Variants in LMAN1 observed in about 807,000 individuals in gnomAD.
The protein encoded by LMAN1 is lectin, mannose binding 1, also known as protein ERGIC-53.
In LMAN1, 32 loss-of-function variants were observed where a neutral mutation model predicts 67.8. The ratio of observed to expected loss-of-function variants is 0.47; its 90% CI spans 0.36 to 0.63. The LOEUF (loss-of-function observed/expected upper bound fraction) is 0.63. Among genes scored for constraint, LMAN1 ranks in the 30% least tolerant of loss-of-function variants. The pLI is 0.00. For missense variants in LMAN1, 632 were observed against 628.2 expected (o/e 1.01, Z -0.06); for synonymous variants, 235 against 219.3 (o/e 1.07, Z -0.63).
chr18:59,338,499 C>T lies in LMAN1; in HGVS notation c.1220+58G>A, dbSNP rs1908213410. ...AATACAGTGCTTGCACACCTGAAGT[C>T]ACAAATTTAGGATAAAAAAAATCAC... On this transcript the variant is annotated intron_variant, in intron 10 of 12. Transcript: ENST00000251047. 4 of 1,421,054 alleles carry T rather than the reference C, an allele frequency of 2.8e-6. No homozygotes were observed. In the Admixed American group the frequency reaches 6.9e-5, roughly 25 times the overall value. 88.0% of individuals were successfully genotyped at this position (1,421,054 alleles called of 1,614,324 possible). A position where few individuals can be genotyped will look rare whatever the true frequency, so the allele number is the denominator to read the frequency against.
chr18:59,343,479 G>GACC (rs1908333202), intron 8 of LMAN1, among the ~76,000 whole-genome samples: 1 of 151,880 alleles, frequency 6.6e-6, no homozygotes, highest in African/African-American at 2.4e-5. Flanking sequence ...CAGAACAGAG[G>GACC]ACCAGGAAAT....
At chr18:59,355,960 A>C (rs928391827) in intron 1 of LMAN1, among the ~76,000 whole-genome samples, 5 of 152,174 alleles carry the variant, frequency 3.3e-5, no homozygotes, top group Non-Finnish European at 7.4e-5. Flanking sequence ...AAAACCTTAA[A>C]AATTTGTATT....
rs2070724058 is a variant in LMAN1 at position 59,328,116 on chromosome 18, A to G, written c.*2977T>C. ...CTTTCAATAAGCACATGGACAGGGA[A>G]AGATAATCACACCTTAATATTCACA... On this transcript the variant is annotated 3_prime_UTR_variant, in exon 13 of 13. Coordinates refer to ENST00000251047, the MANE Select transcript of LMAN1 (RefSeq NM_005570.4). 1 of 152,216 alleles carries G rather than the reference A, an allele frequency of 6.6e-6. No individual in the cohort carries two copies. Among genetic ancestry groups the G allele is most frequent in the Admixed American group, 6.5e-5 (1 of 15,282 alleles). 9.4% of individuals were successfully genotyped at this position (152,216 alleles called of 1,614,324 possible). A position where few individuals can be genotyped will look rare whatever the true frequency, so the allele number is the denominator to read the frequency against.
rs1465355165 is a variant in LMAN1 at position 59,359,090 on chromosome 18, A to C, written c.155T>G (p.Phe52Cys). 1 of 1,614,040 alleles carries C rather than the reference A, an allele frequency of 6.2e-7. No homozygotes were observed. The highest frequency in any genetic ancestry group is 1.7e-5 in the Admixed American group (1 of 60,030). The change falls in exon 1 of 13, where the codon TTC becomes TGC. Residue 52 changes from phenylalanine (F) to cysteine (C), a missense_variant. Transcript: ENST00000251047. The stretch of plus-strand genomic sequence containing the variant: ...GCTCTGCACCAGGTGCGGCCCCTTG[A>C]AGCTGTATTTGTACTCGAAACGGCG... ...PHRRFEYKYSFKGPHLVQSDG... is the reference protein window; with the variant it reads ...PHRRFEYKYSCKGPHLVQSDG...
At position 59,327,994 on chromosome 18, in the gene LMAN1, C is replaced by G. The variant is rs1299450811; in HGVS notation, c.*3099G>C. ...AATGTCATAAAAGAAATATATTAAA[C>G]AAGCAACAGACAGATCTAAAAAGTT... On this transcript the variant is annotated 3_prime_UTR_variant, in exon 13 of 13. Transcript: ENST00000251047. 2 of 151,978 alleles carry G rather than the reference C, an allele frequency of 1.3e-5. No individual in the cohort carries two copies. The highest frequency in any genetic ancestry group is 2.9e-5 in the Non-Finnish European group (2 of 68,000). The allele number at this position is 151,978 out of a possible 1,614,324, so 9.4% of individuals were successfully genotyped here. A position where few individuals can be genotyped will look rare whatever the true frequency, so the allele number is the denominator to read the frequency against.
intron 10 of LMAN1, among the ~76,000 whole-genome samples, chr18:59,337,889 G>T (rs1245501415): frequency 6.6e-6 from 1 of 152,150 alleles, no homozygotes; most frequent in Non-Finnish European, 1.5e-5. Flanking sequence ...TTTGTCAAGG[G>T]TTCTATCGGT....
chr18:59,349,053 T>C (rs1234371803), intron 6 of LMAN1, 60 bp downstream of exon 6: 10 of 1,594,006 alleles, frequency 6.3e-6, no homozygotes, highest in African/African-American at 1.3e-5. Flanking sequence ...ATCCCTAATA[T>C]ACTATTCCCA....
chr18:59,330,776 GGA>G lies in LMAN1; in HGVS notation c.*315_*316del. 3.3e-6 allele frequency: 1 copy of G among 305,286 alleles called. No individual in the cohort carries two copies. Among genetic ancestry groups the G allele is most frequent in the Admixed American group, 4.7e-5 (1 of 21,354 alleles). 18.9% of individuals were successfully genotyped at this position (305,286 alleles called of 1,614,324 possible). On this transcript the variant is annotated 3_prime_UTR_variant, in exon 13 of 13. Transcript: ENST00000251047. Reference sequence around the variant, plus strand: ...GTTATACAGGGAAACCTGCAATATTGGAGACTTAGGGGGTAACATTCATATCC... The same window carrying G: ...GTTATACAGGGAAACCTGCAATATTGGACTTAGGGGGTAACATTCATATCC...
At chr18:59,347,474 C>A (rs757432154) in intron 7 of LMAN1, 39 bp downstream of exon 7, 2 of 1,442,976 alleles carry the variant, frequency 1.4e-6, no homozygotes, top group Admixed American at 3.7e-5. Flanking sequence ...AAAAGGCAAA[C>A]TAAACTGATA....
intron 1 of LMAN1, among the ~76,000 whole-genome samples, chr18:59,356,049 G>C (rs886073526): frequency 3.9e-5 from 6 of 152,136 alleles, no homozygotes; most frequent in Admixed American, 3.3e-4. Flanking sequence ...ATACCACTAG[G>C]AATCAAGAGA....
At chr18:59,344,399 A>G (rs1442597689) in intron 8 of LMAN1, among the ~76,000 whole-genome samples, 1 of 152,196 alleles carries the variant, frequency 6.6e-6, no homozygotes, top group Non-Finnish European at 1.5e-5. Flanking sequence ...CTAAATGCCC[A>G]TCAACAGAGA....
chr18:59,335,572 T>TG (rs1908126985), intron 10 of LMAN1, among the ~76,000 whole-genome samples: 1 of 151,652 alleles, frequency 6.6e-6, no homozygotes, highest in African/African-American at 2.4e-5. Flanking sequence ...AAGGGGAGGA[T>TG]GGGAAAGTGG....
At chr18:59,356,396 G>A (rs117166548) in intron 1 of LMAN1, among the ~76,000 whole-genome samples, 29 of 152,216 alleles carry the variant, frequency 1.9e-4, no homozygotes, top group African/African-American at 4.6e-4. Context: ...CAGCCTCATA[G>A]GTATTTAAGT....
At chr18:59,352,336 C>T (rs1333613898) in intron 5 of LMAN1, among the ~76,000 whole-genome samples, 1 of 152,168 alleles carries the variant, frequency 6.6e-6, no homozygotes, top group Non-Finnish European at 1.5e-5. Flanking sequence ...ACTGTGTTCA[C>T]CCCTAACCCC....
chr18:59,332,567 G>A lies in LMAN1; in HGVS notation c.1374+524C>T, dbSNP rs542916782. The stretch of plus-strand genomic sequence containing the variant: ...TAAAAAGCTTTTAAAAAGATAAAAC[G>A]CGATATAAAATATAAGGGATTGGGA... On this transcript the variant is annotated intron_variant, in intron 11 of 12. Transcript: ENST00000251047. 1.4e-4 allele frequency among the ~76,000 whole-genome samples: 22 copies of A among 152,126 alleles called. No homozygotes were observed. In the East Asian group the frequency reaches 1.9e-3, roughly 13 times the overall value.
chr18:59,352,418 C>T (rs1461074289), intron 5 of LMAN1, among the ~76,000 whole-genome samples: 2 of 152,182 alleles, frequency 1.3e-5, no homozygotes, highest in African/African-American at 4.8e-5. Context: ...ATTTCACTTC[C>T]TGCTTAAAAC....
intron 10 of LMAN1, among the ~76,000 whole-genome samples, chr18:59,337,004 G>A (rs1246354864): frequency 6.6e-6 from 1 of 151,650 alleles, no homozygotes. Flanking sequence ...TGAGCAGAAG[G>A]TTGAAATGGA....
At chr18:59,332,342 GA>G (rs1172497395) in intron 11 of LMAN1, among the ~76,000 whole-genome samples, 2 of 151,806 alleles carry the variant, frequency 1.3e-5, no homozygotes, top group Non-Finnish European at 2.9e-5. Flanking sequence ...AGCCATCTTT[GA>G]AAAAAATGTA....
At chr18:59,352,292 T>C (rs927565466) in intron 5 of LMAN1, among the ~76,000 whole-genome samples, 4 of 152,162 alleles carry the variant, frequency 2.6e-5, no homozygotes. Context: ...AGCTGTCCAA[T>C]TGGCTATATT....
Sources: allele counts gnomAD v4.1 joint callset (sites outside exome capture counted in the v4.1 genomes callset), GRCh38; gene constraint gnomAD v4.1.1; transcripts MANE v1.5; gene names NCBI Gene and HGNC (gene_info 2026-07-23, HGNC 2026-07-21).